NELL1: variants seen among roughly 807,000 people sequenced by gnomAD.
The protein encoded by NELL1 is neural EGFL like 1.
NELL1 carries 76 observed loss-of-function variants against 107.4 expected under a neutral mutation model. The observed-to-expected ratio is 0.71, with a 90% CI of 0.59 to 0.86. The LOEUF is 0.86. Ranked by LOEUF, NELL1 falls within the 40% of genes least tolerant of loss-of-function variation. The pLI, the probability that NELL1 is intolerant of heterozygous loss-of-function variation, is 0.00. For missense variants in NELL1, 1,024 were observed against 1,005.5 expected, an observed-to-expected ratio of 1.02 and a Z score of -0.25; for synonymous variants, 353 against 341.2, an observed-to-expected ratio of 1.03 and a Z score of -0.38.
In NELL1 at chr11:21,377,849, G is replaced by T. The variant is rs184959552; in HGVS notation, c.1645+6901G>T. Among the ~76,000 whole-genome samples the T allele has an allele frequency of 1.4e-4, 21 of 152,054 alleles. No individual in the cohort carries two copies. In the East Asian group the frequency reaches 3.7e-3, roughly 27 times the overall value. Reference sequence around the variant, plus strand: ...TAGTGGTGTTCATAATAGCCTGTGCGGATCTTTTGTATTTCTGTGGGATCT... The same window carrying T: ...TAGTGGTGTTCATAATAGCCTGTGCTGATCTTTTGTATTTCTGTGGGATCT... On this transcript the variant is annotated intron_variant, in intron 15 of 19. Coordinates refer to ENST00000357134, the MANE Select transcript of NELL1 (RefSeq NM_006157.5).
chr11:21,524,175 C>A (rs1422653298), intron 15 of NELL1, among the ~76,000 whole-genome samples: 1 of 151,872 alleles, frequency 6.6e-6, no homozygotes. Flanking sequence ...GGTTTAAATC[C>A]CCACTCTGTC....
rs528535508 is a variant in NELL1, at chr11:20,691,679, G to A, written c.184+13619G>A. 5.7e-3 allele frequency among the ~76,000 whole-genome samples: 867 copies of A among 151,272 alleles called. 4 individuals carry two copies. The highest frequency in any genetic ancestry group is 0.02 in the African/African-American group (828 of 40,758). ...AGCTTTTTGATGTGCTGCTGGATTT[G>A]GTTTGCCAGTATTTTATTGAGGATT... is the stretch of plus-strand genomic sequence containing the variant. On this transcript the variant is annotated intron_variant, in intron 2 of 19. Transcript: ENST00000357134.
chr11:21,315,145 C>A (rs1229002204), intron 14 of NELL1, among the ~76,000 whole-genome samples: 1 of 152,184 alleles, frequency 6.6e-6, no homozygotes, highest in Non-Finnish European at 1.5e-5. Flanking sequence ...GCATGAGCCA[C>A]CATGCCTGGC....
At chr11:20,859,969 G>C (rs1432693646) in intron 4 of NELL1, among the ~76,000 whole-genome samples, 1 of 152,172 alleles carries the variant, frequency 6.6e-6, no homozygotes, top group Non-Finnish European at 1.5e-5. Context: ...ATAAGCTTTA[G>C]GATAAAGGTC....
intron 13 of NELL1, among the ~76,000 whole-genome samples, chr11:21,148,371 A>G (rs974983132): frequency 6.6e-6 from 1 of 152,102 alleles, no homozygotes; most frequent in African/African-American, 2.4e-5. Context: ...GGGAGGGTGG[A>G]TACTGGGAGA....
At chr11:20,899,111 C>A (rs1322301539) in intron 5 of NELL1, among the ~76,000 whole-genome samples, 1 of 152,068 alleles carries the variant, frequency 6.6e-6, no homozygotes, top group South Asian at 2.1e-4. Flanking sequence ...AGTTAGTAAG[C>A]GTATGGATTT....
At chr11:20,787,521 A>G (rs941533496) in intron 3 of NELL1, among the ~76,000 whole-genome samples, 1 of 152,206 alleles carries the variant, frequency 6.6e-6, no homozygotes, top group Non-Finnish European at 1.5e-5. Context: ...GACCACGTAT[A>G]TAAGTTGACC....
chr11:21,568,785 G>A (rs906664948), intron 17 of NELL1, among the ~76,000 whole-genome samples: 5 of 151,260 alleles, frequency 3.3e-5, no homozygotes, highest in South Asian at 4.2e-4. Flanking sequence ...ACAATAACAC[G>A]CACAGAGCTA....
At chr11:21,201,867 T>C (rs926859147) in intron 13 of NELL1, among the ~76,000 whole-genome samples, 20 of 152,228 alleles carry the variant, frequency 1.3e-4, no homozygotes, top group African/African-American at 4.8e-4. Flanking sequence ...AGGCCTTTTC[T>C]GAATCTATTG....
intron 12 of NELL1, among the ~76,000 whole-genome samples, chr11:20,969,472 G>A (rs1343229187): frequency 1.3e-5 from 2 of 151,812 alleles, no homozygotes; most frequent in Non-Finnish European, 2.9e-5. Context: ...TAAATTCCAA[G>A]CAACATAGCA....
chr11:20,830,478 A>G (rs1247277031), intron 3 of NELL1, among the ~76,000 whole-genome samples: 1 of 151,850 alleles, frequency 6.6e-6, no homozygotes, highest in Non-Finnish European at 1.5e-5. Flanking sequence ...CTGGGATTAC[A>G]GGTGTGTGCC....
At chr11:20,961,857 A>G (rs1851297241) in intron 12 of NELL1, among the ~76,000 whole-genome samples, 1 of 152,094 alleles carries the variant, frequency 6.6e-6, no homozygotes, top group South Asian at 2.1e-4. Context: ...AGGAATGACT[A>G]TATATTGTTA....
At chr11:21,440,752 T>C (rs1284994463) in intron 15 of NELL1, among the ~76,000 whole-genome samples, 1 of 152,036 alleles carries the variant, frequency 6.6e-6, no homozygotes, top group Non-Finnish European at 1.5e-5. Context: ...CAGTGCCACA[T>C]AGTCAAGGAG....
At chr11:21,120,474 T>A (rs1490311911) in intron 13 of NELL1, among the ~76,000 whole-genome samples, 1 of 152,088 alleles carries the variant, frequency 6.6e-6, no homozygotes, top group African/African-American at 2.4e-5. Flanking sequence ...AAATGGCAAA[T>A]TTTCCACGGA....
intron 14 of NELL1, among the ~76,000 whole-genome samples, chr11:21,301,013 G>A (rs1231314518): frequency 1.3e-5 from 2 of 152,038 alleles, no homozygotes; most frequent in African/African-American, 4.8e-5. Flanking sequence ...TTCTGTCCTT[G>A]CGATAGTTTG....
intron 15 of NELL1, among the ~76,000 whole-genome samples, chr11:21,515,691 C>T (rs79966371): frequency 0.066 from 10,029 of 152,184 alleles, 882 homozygotes; most frequent in African/African-American, 0.2. Context: ...CATGCTGCAC[C>T]TGCCCTAAGG....
At chr11:20,989,996 C>CA (rs35612589) in intron 12 of NELL1, among the ~76,000 whole-genome samples, 25,971 of 114,528 alleles carry the variant, frequency 0.23, 2,617 homozygotes, top group Middle Eastern at 0.38. Flanking sequence ...GACTCCGTCT[C>CA]AAAAAAAAAA....
intron 2 of NELL1, among the ~76,000 whole-genome samples, chr11:20,728,571 C>T (rs994681674): frequency 6.7e-6 from 1 of 149,102 alleles, no homozygotes; most frequent in Admixed American, 6.7e-5. Context: ...GAAATCCTTT[C>T]TTCATTGCTT....
intron 13 of NELL1, among the ~76,000 whole-genome samples, chr11:21,135,805 T>C (rs1167422856): frequency 2.6e-5 from 4 of 152,144 alleles, no homozygotes. Flanking sequence ...CTTTATGTAT[T>C]TTCATATGGT....
Sources: allele counts gnomAD v4.1 joint callset (sites outside exome capture counted in the v4.1 genomes callset), GRCh38; gene constraint gnomAD v4.1.1; transcripts MANE v1.5; gene names NCBI Gene and HGNC (gene_info 2026-07-23, HGNC 2026-07-21).